Variants in EXOC6 observed in about 807,000 individuals in gnomAD.
EXOC6 encodes SEC15-like 1.
EXOC6 carries 60 observed loss-of-function variants against 112.5 expected under a neutral mutation model. That is an observed-to-expected ratio of 0.53 (90% CI 0.43 to 0.66). The LOEUF is 0.66. EXOC6 is among the 30% of genes least tolerant of loss of function. EXOC6 has a pLI of 0.00. For synonymous variants in EXOC6, 295 were observed against 308.0 expected, an observed-to-expected ratio of 0.96 and a Z score of 0.44; for missense variants, 855 against 957.1, an observed-to-expected ratio of 0.89 and a Z score of 1.41.
chr10:92,929,540 C>T (rs552767922), intron 9 of EXOC6, among the ~76,000 whole-genome samples: 83 of 152,004 alleles, frequency 5.5e-4, no homozygotes, highest in African/African-American at 1.4e-3. Context: ...CTAAAAGACT[C>T]GATATTTGAA....
At chr10:92,941,908 TC>T (rs1312095432) in intron 13 of EXOC6, among the ~76,000 whole-genome samples, 2 of 152,192 alleles carry the variant, frequency 1.3e-5, no homozygotes, top group Non-Finnish European at 2.9e-5. Flanking sequence ...TTTCTCTCCA[TC>T]CTTCTCCCTT....
intron 1 of EXOC6, among the ~76,000 whole-genome samples, chr10:92,859,244 T>C (rs1847780758): frequency 6.6e-6 from 1 of 152,200 alleles, no homozygotes; most frequent in Non-Finnish European, 1.5e-5. Flanking sequence ...GCTTGTTTAG[T>C]GGCTTGTTTG....
chr10:93,057,693 A>C (rs1445807403), intron 21 of EXOC6, among the ~76,000 whole-genome samples: 2 of 152,260 alleles, frequency 1.3e-5, no homozygotes, highest in East Asian at 3.9e-4. Context: ...TCACTATTAA[A>C]ATTTTCAATT....
chr10:92,969,327 C>G (rs1239581715), intron 17 of EXOC6, among the ~76,000 whole-genome samples: 1 of 152,160 alleles, frequency 6.6e-6, no homozygotes, highest in Non-Finnish European at 1.5e-5. Context: ...GAGGAAGCCT[C>G]CAGATGATTC....
At chr10:93,014,391 C>A in intron 20 of EXOC6, 124 bp downstream of exon 20, 1 of 719,486 alleles carries the variant, frequency 1.4e-6, no homozygotes, top group South Asian at 1.7e-5. Flanking sequence ...TAAGAAAAAT[C>A]CTTCCTTGGT....
intron 18 of EXOC6, among the ~76,000 whole-genome samples, chr10:92,976,195 G>C (rs1361619205): frequency 6.6e-6 from 1 of 152,114 alleles, no homozygotes; most frequent in South Asian, 2.1e-4. Context: ...CATTGAGAAC[G>C]GGCCATGATG....
chr10:92,936,525 G>A (rs528396997), intron 12 of EXOC6, among the ~76,000 whole-genome samples: 2 of 152,354 alleles, frequency 1.3e-5, no homozygotes, highest in African/African-American at 2.4e-5. Flanking sequence ...AACCCAGGAG[G>A]TGGAGGTTGC....
chr10:92,869,381 T>C (rs1428091140), intron 1 of EXOC6, among the ~76,000 whole-genome samples: 1 of 151,928 alleles, frequency 6.6e-6, no homozygotes, highest in African/African-American at 2.4e-5. Context: ...TGATCACCGC[T>C]AGCTGTAACC....
chr10:92,950,449 A>C (rs1425065012), intron 14 of EXOC6, among the ~76,000 whole-genome samples: 2 of 152,202 alleles, frequency 1.3e-5, no homozygotes, highest in Non-Finnish European at 2.9e-5. Context: ...AATAATTTCA[A>C]ATATTTTTCA....
intron 1 of EXOC6, among the ~76,000 whole-genome samples, chr10:92,879,265 C>T (rs895832250): frequency 2.6e-5 from 4 of 152,186 alleles, no homozygotes; most frequent in Admixed American, 1.3e-4. Context: ...GAGGACCCCT[C>T]AAGACTAGCC....
chr10:93,025,226 C>CA (rs1320407156), intron 20 of EXOC6, among the ~76,000 whole-genome samples: 12 of 152,130 alleles, frequency 7.9e-5, no homozygotes, highest in Non-Finnish European at 1.6e-4. Flanking sequence ...CCTCCATGAA[C>CA]AAATTGTGTG....
intron 1 of EXOC6, among the ~76,000 whole-genome samples, chr10:92,870,246 G>T (rs1054254468): frequency 6.6e-6 from 1 of 151,918 alleles, no homozygotes; most frequent in Non-Finnish European, 1.5e-5. Context: ...GAGCCACCGC[G>T]TGCCACCCAG....
chr10:92,857,613 T>C (rs147695444), intron 1 of EXOC6, among the ~76,000 whole-genome samples: 455 of 152,338 alleles, frequency 3.0e-3, no homozygotes, highest in African/African-American at 0.01. Context: ...TGTGTTGTGA[T>C]TGTCCATTGT....
Position 92,916,654 on chromosome 10 carries a change from A to G in EXOC6, c.819+741A>G, listed in dbSNP as rs149650879. Among the ~76,000 whole-genome samples, 504 of 152,320 alleles carry G rather than the reference A, an allele frequency of 3.3e-3. 3 individuals are homozygous for G. The highest frequency in any genetic ancestry group is 0.011 in the African/African-American group (478 of 41,570). On this transcript the variant is annotated intron_variant, in intron 7 of 21. Coordinates refer to ENST00000260762, the MANE Select transcript of EXOC6 (RefSeq NM_019053.6). ...TTCTTTCAAAACAATTTGCATAACAATCTGTCTCCCCGGTAAAACCCTAAC... is the reference window on the plus strand; with the variant it reads ...TTCTTTCAAAACAATTTGCATAACAGTCTGTCTCCCCGGTAAAACCCTAAC...
intron 1 of EXOC6, among the ~76,000 whole-genome samples, chr10:92,891,574 C>T (rs1239439294): frequency 2.0e-5 from 3 of 152,080 alleles, no homozygotes; most frequent in Non-Finnish European, 2.9e-5. Flanking sequence ...CTCTGCCTCC[C>T]GGGTTCAAGC....
At chr10:92,884,821 A>G (rs1849132389) in intron 1 of EXOC6, among the ~76,000 whole-genome samples, 2 of 152,166 alleles carry the variant, frequency 1.3e-5, no homozygotes, top group Non-Finnish European at 2.9e-5. Flanking sequence ...AAAAGTGATG[A>G]GTTTTTTTCA....
Position 92,909,454 on chromosome 10 carries a change from A to C in EXOC6, c.486A>C (p.Glu162Asp), listed in dbSNP as rs549089589. 1 of 1,613,080 alleles carries C rather than the reference A, an allele frequency of 6.2e-7. No individual in the cohort carries two copies. Residue 162 changes from glutamate (E) to aspartate (D), a missense_variant, in exon 6 of 22, where the codon GAA becomes GAC. By Grantham distance (45) the Glu-to-Asp change is conservative (BLOSUM62 2). This residue lies in a region of EXOC6 where 405 missense variants were observed against 393.6 expected (regional missense o/e 1.03). Coordinates refer to ENST00000260762, the MANE Select transcript of EXOC6 (RefSeq NM_019053.6). ...ACTATTCTGCCCTAAAAACTATGGA[A>C]CAATTAGAGAATGTGTACTTTCCCT... is the stretch of plus-strand genomic sequence containing the variant. ...KRYYSALKTM[E>D]QLENVYFPWV...
chr10:92,891,790 C>T (rs1564805700), intron 1 of EXOC6, among the ~76,000 whole-genome samples: 1 of 152,054 alleles, frequency 6.6e-6, no homozygotes. Context: ...TGCCAAGAGT[C>T]TAAATTCTTA....
intron 20 of EXOC6, among the ~76,000 whole-genome samples, chr10:93,042,749 G>C (rs1455226567): frequency 6.6e-6 from 1 of 152,080 alleles, no homozygotes; most frequent in Non-Finnish European, 1.5e-5. Context: ...CTAAGACAGC[G>C]TCATAAGAAG....
Sources: gnomAD v4.1 joint callset for allele counts (sites outside exome capture counted in the v4.1 genomes callset) on GRCh38, gnomAD v4.1.1 for gene constraint, gnomAD v4.1.1 regional missense constraint, MANE v1.5 for transcripts, NCBI Gene and HGNC (gene_info 2026-07-23, HGNC 2026-07-21) for gene names.